FTCDNL1: variants seen among roughly 807,000 people sequenced by gnomAD.
FTCDNL1 encodes the protein formiminotransferase N-terminal subdomain-containing protein.
In FTCDNL1, 11 loss-of-function variants were observed where a neutral mutation model predicts 5.9. The ratio of observed to expected loss-of-function variants is 1.87; its 90% confidence interval spans 1.18 to 3.10. The LOEUF is 3.10. Among genes scored for constraint, FTCDNL1 ranks in the 30% most tolerant of loss-of-function variants. FTCDNL1 has a pLI of 0.00. For missense variants in FTCDNL1, 115 were observed against 65.5 expected (o/e 1.76, Z -2.61); for synonymous variants, 58 against 24.8 (o/e 2.34, Z -3.99).
intron 3 of FTCDNL1, among the ~76,000 whole-genome samples, chr2:199,795,867 G>T (rs913298233): frequency 1.3e-5 from 2 of 151,980 alleles, no homozygotes; most frequent in Non-Finnish European, 2.9e-5. Context: ...TCCTTTTCTT[G>T]TCTCGGTAAA....
chr2:199,766,808 T>C (rs1387183425), intron 3 of FTCDNL1, among the ~76,000 whole-genome samples: 1 of 152,200 alleles, frequency 6.6e-6, no homozygotes, highest in Non-Finnish European at 1.5e-5. Flanking sequence ...TGCCCTAGTA[T>C]TGAATGAAAA....
intron 4 of FTCDNL1, 105 bp from the exon 5 acceptor site, chr2:199,812,829 T>A (rs1242133203): frequency 1.7e-6 from 1 of 597,062 alleles, no homozygotes; most frequent in Non-Finnish European, 3.0e-6. Flanking sequence ...GTTAAATATT[T>A]TTTTATCAAA....
intron 3 of FTCDNL1, among the ~76,000 whole-genome samples, chr2:199,791,824 A>C (rs1007891937): frequency 6.6e-6 from 1 of 152,132 alleles, no homozygotes; most frequent in African/African-American, 2.4e-5. Flanking sequence ...AAGCAAATAT[A>C]ATGTGCCCCA....
chr2:199,794,104 G>T (rs781237934), intron 3 of FTCDNL1, among the ~76,000 whole-genome samples: 12 of 152,090 alleles, frequency 7.9e-5, no homozygotes, highest in African/African-American at 2.9e-4. Flanking sequence ...ATACAGATAC[G>T]TTGAAATTTT....
chr2:199,715,462 C>T, the FTCDNL1 span, among the ~76,000 whole-genome samples: 3 of 152,184 alleles, frequency 2.0e-5, no homozygotes, highest in Admixed American at 6.5e-5. Flanking sequence ...TGCACATGCT[C>T]TCTTGCCTGC....
In FTCDNL1 at chr2:199,812,078, T is replaced by C. The variant is rs961782228; in HGVS notation, c.*627A>G. Among the ~76,000 whole-genome samples the C allele has an allele frequency of 5.3e-5, 8 of 152,226 alleles. No individual in the cohort carries two copies. Among genetic ancestry groups the C allele is most frequent in the African/African-American group, 1.9e-4 (8 of 41,472 alleles). On this transcript the variant is annotated 3_prime_UTR_variant, in exon 5 of 5. Coordinates refer to ENST00000420128, the MANE Select transcript of FTCDNL1 (RefSeq NM_001363886.2). ...GAATAATCATTTTTCAAACAGACCC[T>C]TGTTATATGTATTTTAAATTCTTCT...
chr2:199,766,048 A>G (rs12611847), intron 3 of FTCDNL1, among the ~76,000 whole-genome samples: 5,511 of 152,206 alleles, frequency 0.036, 151 homozygotes, highest in East Asian at 0.14. Context: ...TATCTTTGCT[A>G]CTTTCCTCAT....
At chr2:199,707,579 A>T in the FTCDNL1 span, among the ~76,000 whole-genome samples, 28 of 151,800 alleles carry the variant, frequency 1.8e-4, no homozygotes, top group African/African-American at 6.8e-4. Context: ...TTTAGCATAT[A>T]TGTATGTCTC....
the FTCDNL1 span, among the ~76,000 whole-genome samples, chr2:199,732,580 C>T: frequency 6.6e-6 from 1 of 151,850 alleles, no homozygotes; most frequent in Non-Finnish European, 1.5e-5. Flanking sequence ...TGAGGTAGAT[C>T]TATGGGTATT....
At chr2:199,844,529 C>A (rs987040704) in intron 3 of FTCDNL1, 4 of 585,120 alleles carry the variant, frequency 6.8e-6, no homozygotes, top group Non-Finnish European at 1.3e-5. Flanking sequence ...CAGAACAGAA[C>A]TGCCTAAAAA....
chr2:199,701,942 T>C, the FTCDNL1 span, among the ~76,000 whole-genome samples: 2 of 152,048 alleles, frequency 1.3e-5, no homozygotes, highest in Admixed American at 1.3e-4. Flanking sequence ...GGCTGAGGCA[T>C]GAGAATCACT....
chr2:199,689,688 T>C, the FTCDNL1 span, among the ~76,000 whole-genome samples: 1 of 151,394 alleles, frequency 6.6e-6, no homozygotes, highest in Non-Finnish European at 1.5e-5. Context: ...TTTTTAGGAA[T>C]ATTTGTAAGC....
the FTCDNL1 span, among the ~76,000 whole-genome samples, chr2:199,735,080 C>T: frequency 7.0e-6 from 1 of 143,080 alleles, no homozygotes; most frequent in Non-Finnish European, 1.5e-5. Flanking sequence ...TTCTTAAACC[C>T]CCTGATAGTC....
At chr2:199,663,877 A>G in the FTCDNL1 span, among the ~76,000 whole-genome samples, 1 of 152,160 alleles carries the variant, frequency 6.6e-6, no homozygotes, top group Admixed American at 6.5e-5. Flanking sequence ...TCTACCACAA[A>G]GTGTTCTTTA....
At chr2:199,779,863 C>T (rs528871176) in intron 3 of FTCDNL1, among the ~76,000 whole-genome samples, 1 of 152,310 alleles carries the variant, frequency 6.6e-6, no homozygotes, top group African/African-American at 2.4e-5. Context: ...CAGACTGTAT[C>T]CTCCTTGACT....
the FTCDNL1 span, among the ~76,000 whole-genome samples, chr2:199,694,892 T>C: frequency 2.0e-5 from 3 of 152,166 alleles, no homozygotes; most frequent in African/African-American, 7.2e-5. Context: ...CATTTATTTC[T>C]CAGTAAGGTC....
intron 3 of FTCDNL1, among the ~76,000 whole-genome samples, chr2:199,795,158 C>T (rs1173215396): frequency 6.6e-6 from 1 of 152,210 alleles, no homozygotes; most frequent in Non-Finnish European, 1.5e-5. Context: ...ATACAAGGCA[C>T]TCAATAAGTG....
chr2:199,772,714 TG>T (rs1698874138), intron 3 of FTCDNL1, among the ~76,000 whole-genome samples: 1 of 152,328 alleles, frequency 6.6e-6, no homozygotes, highest in South Asian at 2.1e-4. Flanking sequence ...TCAGATGATT[TG>T]GGTCCCTTCA....
chr2:199,748,942 G>A, the FTCDNL1 span, among the ~76,000 whole-genome samples: 1 of 152,128 alleles, frequency 6.6e-6, no homozygotes, highest in South Asian at 2.1e-4. Flanking sequence ...CAAACCCTCT[G>A]GCCCACAAGG....
Sources: gnomAD v4.1 joint callset for allele counts (sites outside exome capture counted in the v4.1 genomes callset) on GRCh38, gnomAD v4.1.1 for gene constraint, MANE v1.5 for transcripts, NCBI Gene and HGNC (gene_info 2026-07-23, HGNC 2026-07-21) for gene names.